Variants in TAOK1 observed in about 807,000 individuals in gnomAD.
TAOK1 encodes the protein serine/threonine-protein kinase TAO1.
TAOK1 carries 21 observed loss-of-function variants against 138.3 expected under a neutral mutation model. The ratio of observed to expected loss-of-function variants is 0.15; its 90% CI spans 0.11 to 0.22. TAOK1 has a LOEUF of 0.22. TAOK1 is among the 10% of genes least tolerant of loss of function. The pLI is 1.00. For synonymous variants in TAOK1, 361 were observed against 398.4 expected (o/e 0.91, Z 1.12); for missense variants, 651 against 1,227.7 (o/e 0.53, Z 7.02).
At chr17:29,429,918 A>C (rs1055058540) in intron 1 of TAOK1, among the ~76,000 whole-genome samples, 2 of 152,226 alleles carry the variant, frequency 1.3e-5, no homozygotes, top group African/African-American at 4.8e-5. Context: ...TATAAGATCT[A>C]ATCAATACAA....
At chr17:29,495,817 A>T in intron 11 of TAOK1, 90 bp downstream of exon 11, 1 of 1,157,278 alleles carries the variant, frequency 8.6e-7, no homozygotes, top group South Asian at 2.8e-5. Context: ...TACCTTATAT[A>T]CCAAGGGTTT....
rs1299835137 is a variant in TAOK1 at position 29,545,363 on chromosome 17, C to G, written c.*2341C>G. 4.6e-5 allele frequency: 7 copies of G among 152,170 alleles called. No homozygotes were observed. Among genetic ancestry groups the G allele is most frequent in the Non-Finnish European group, 8.8e-5 (6 of 68,022 alleles). 9.4% of individuals were successfully genotyped at this position (152,170 alleles called of 1,614,324 possible). On this transcript the variant is annotated 3_prime_UTR_variant, in exon 20 of 20. Coordinates refer to ENST00000261716, the MANE Select transcript of TAOK1 (RefSeq NM_020791.4). ...AAAATTATTCATAGATCTGGCTGCT[C>G]TGTACTACTGGATGGGTGGAATAGG...
At chr17:29,463,666 C>T (rs1375962009) in intron 2 of TAOK1, among the ~76,000 whole-genome samples, 1 of 151,962 alleles carries the variant, frequency 6.6e-6, no homozygotes, top group Non-Finnish European at 1.5e-5. Flanking sequence ...GATAAATCTG[C>T]ATAACATTTG....
chr17:29,494,970 A>G (rs973630807), intron 10 of TAOK1, among the ~76,000 whole-genome samples: 1 of 152,202 alleles, frequency 6.6e-6, no homozygotes, highest in Admixed American at 6.5e-5. Context: ...GTATATTACA[A>G]TGTAACTGTG....
At chr17:29,396,632 ATAT>A (rs1178983928) in intron 1 of TAOK1, among the ~76,000 whole-genome samples, 1 of 152,334 alleles carries the variant, frequency 6.6e-6, no homozygotes, top group South Asian at 2.1e-4. Context: ...TTTCTGAGAA[ATAT>A]TATCAAATAA....
intron 1 of TAOK1, among the ~76,000 whole-genome samples, chr17:29,399,185 A>G (rs1006925392): frequency 4.0e-5 from 6 of 151,808 alleles, no homozygotes; most frequent in African/African-American, 1.5e-4. Flanking sequence ...GGGTTTTGCC[A>G]TGTTGCCTGG....
intron 16 of TAOK1, among the ~76,000 whole-genome samples, 180 bp downstream of exon 16, chr17:29,517,836 C>T (rs1853926760): frequency 6.6e-6 from 1 of 152,048 alleles, no homozygotes; most frequent in Admixed American, 6.6e-5. Context: ...GATGTCATTT[C>T]CTCAAAATCT....
intron 12 of TAOK1, among the ~76,000 whole-genome samples, chr17:29,502,010 A>G (rs1015926743): frequency 6.6e-6 from 1 of 152,244 alleles, no homozygotes; most frequent in Non-Finnish European, 1.5e-5. Flanking sequence ...ACTGCACTCC[A>G]ACCTGGGTGA....
intron 2 of TAOK1, among the ~76,000 whole-genome samples, chr17:29,456,217 G>A (rs2030372624): frequency 6.7e-6 from 1 of 149,992 alleles, no homozygotes; most frequent in Admixed American, 6.6e-5. Flanking sequence ...GTGTGGTGGT[G>A]CATGCCTGTA....
At chr17:29,458,819 C>A (rs9889591) in intron 2 of TAOK1, among the ~76,000 whole-genome samples, 58,153 of 152,070 alleles carry the variant, frequency 0.38, 11,954 homozygotes, top group East Asian at 0.88. Flanking sequence ...CTCAGCCTGC[C>A]GAGTAGCTGG....
At chr17:29,488,576 A>AAAAAAAAAT (rs1555564492) in intron 8 of TAOK1, among the ~76,000 whole-genome samples, 3 of 145,474 alleles carry the variant, frequency 2.1e-5, no homozygotes, top group Non-Finnish European at 3.0e-5. Flanking sequence ...ACATCTCAAA[A>AAAAAAAAAT]AATAATAATA....
intron 3 of TAOK1, 49 bp downstream of exon 3, chr17:29,467,265 A>G (rs1311753455): frequency 7.5e-6 from 9 of 1,200,242 alleles, no homozygotes; most frequent in Non-Finnish European, 1.1e-5. Context: ...TTATCTCAGA[A>G]TAAATATATA....
intron 17 of TAOK1, among the ~76,000 whole-genome samples, chr17:29,526,968 A>G: frequency 6.6e-6 from 1 of 152,128 alleles, no homozygotes; most frequent in East Asian, 1.9e-4. Flanking sequence ...TCTACTAAAA[A>G]TTAAAAAATT....
intron 6 of TAOK1, among the ~76,000 whole-genome samples, chr17:29,479,578 A>T (rs554965419): frequency 6.6e-6 from 1 of 152,356 alleles, no homozygotes; most frequent in South Asian, 2.1e-4. Context: ...TCTCAAATTT[A>T]AGATACCTCT....
chr17:29,513,639 T>C (rs2153029917), intron 15 of TAOK1: 1 of 152,176 alleles, frequency 6.6e-6, no homozygotes, highest in South Asian at 2.1e-4. Flanking sequence ...TGGCAGAAGA[T>C]TTTGAAAAAG....
At chr17:29,520,429 A>T (rs574831672) in intron 16 of TAOK1, among the ~76,000 whole-genome samples, 68 of 145,510 alleles carry the variant, frequency 4.7e-4, no homozygotes, top group African/African-American at 1.6e-3. Context: ...GTCTCTACAA[A>T]TTTTTTTTTT....
chr17:29,443,977 T>C (rs1174637700), intron 1 of TAOK1, among the ~76,000 whole-genome samples: 1 of 152,072 alleles, frequency 6.6e-6, no homozygotes, highest in Admixed American at 6.6e-5. Context: ...TAGCTGGGCA[T>C]GGTGGCACAC....
At chr17:29,404,285 C>T (rs545294451) in intron 1 of TAOK1, among the ~76,000 whole-genome samples, 6 of 152,210 alleles carry the variant, frequency 3.9e-5, no homozygotes, top group Non-Finnish European at 7.4e-5. Context: ...GCCTCAGCCC[C>T]ACAAGTAGCT....
At chr17:29,458,578 A>G (rs1297386429) in intron 2 of TAOK1, among the ~76,000 whole-genome samples, 1 of 152,170 alleles carries the variant, frequency 6.6e-6, no homozygotes, top group Non-Finnish European at 1.5e-5. Context: ...TCACACTGCA[A>G]CCTCTGCCTC....
Sources: allele counts gnomAD v4.1 joint callset (sites outside exome capture counted in the v4.1 genomes callset), GRCh38; gene constraint gnomAD v4.1.1; transcripts MANE v1.5; gene names NCBI Gene and HGNC (gene_info 2026-07-23, HGNC 2026-07-21).